JAKMIP1: variants seen among roughly 807,000 people sequenced by gnomAD.
JAKMIP1 encodes the protein janus kinase and microtubule-interacting protein 1.
A neutral mutation model predicts 113.0 loss-of-function variants in JAKMIP1; 33 were observed. The ratio of observed to expected loss-of-function variants is 0.29; its 90% CI spans 0.22 to 0.39. The LOEUF is 0.39. Ranked by LOEUF, JAKMIP1 falls within the 10% of genes least tolerant of loss-of-function variation. The pLI, the probability that JAKMIP1 is intolerant of heterozygous loss-of-function variation, is 1.00. For synonymous variants in JAKMIP1, 480 were observed against 459.9 expected (o/e 1.04, Z -0.56); for missense variants, 813 against 1,080.5 (o/e 0.75, Z 3.47).
chr4:6,084,538 G>C (rs557548399), intron 5 of JAKMIP1, among the ~76,000 whole-genome samples: 11 of 152,070 alleles, frequency 7.2e-5, no homozygotes, highest in Non-Finnish European at 1.5e-4. Context: ...GGGTTTTTTG[G>C]TTTTTTAATT....
At chr4:6,063,554 T>C (rs1717619707) in intron 9 of JAKMIP1, among the ~76,000 whole-genome samples, 1 of 152,140 alleles carries the variant, frequency 6.6e-6, no homozygotes, top group Admixed American at 6.5e-5. Context: ...ACGGGGAGGA[T>C]GGTGTGTCTC....
At chr4:6,072,586 GA>G (rs1227081192) in intron 8 of JAKMIP1, among the ~76,000 whole-genome samples, 1 of 152,196 alleles carries the variant, frequency 6.6e-6, no homozygotes, top group Admixed American at 6.5e-5. Flanking sequence ...AAACAGACAT[GA>G]AGTAGCCACT....
At position 6,193,505 on chromosome 4, in the gene JAKMIP1, C is replaced by A. The variant is rs1367977703; in HGVS notation, c.-148+6748G>T. On this transcript the variant is annotated intron_variant, in intron 1 of 20. Transcript: ENST00000409021. This position sits in a 1 kb window ranked among gnomAD's most constrained non-coding sequence, Gnocchi z 6.4. ...GGGTAGGGATGAACATTCCAGGCAGCAAGCAGCTCACACAAGCGCTCTGAG... is the reference window on the plus strand; with the variant it reads ...GGGTAGGGATGAACATTCCAGGCAGAAAGCAGCTCACACAAGCGCTCTGAG... Among the ~76,000 whole-genome samples, 1 of 152,186 alleles carries A rather than the reference C, an allele frequency of 6.6e-6. No individual in the cohort carries two copies. Among genetic ancestry groups the A allele is most frequent in the East Asian group, 1.9e-4 (1 of 5,190 alleles).
chr4:6,050,592 G>A lies in JAKMIP1; in HGVS notation c.1894C>T (p.Gln632Ter). The A allele has an allele frequency of 6.4e-7, 1 of 1,571,406 alleles. No individual in the cohort carries two copies. Residue 632 changes from glutamine (Q) to a stop codon, truncating the protein, a stop_gained, in exon 14 of 21, where the codon CAG (glutamine) becomes TAG (stop). Coordinates refer to ENST00000409021, the MANE Select transcript of JAKMIP1 (RefSeq NM_001099433.2). LOFTEE classifies it high-confidence loss of function. The surrounding 1 kb of genome is among the most constrained non-coding windows in gnomAD (Gnocchi z 7.4). ...HSSALQLFCH[Q>*]EGVKDVNVSE... ...AGGCACGCTACCTTAACTCCTTCCTGGTGACAGAACAGCTGGAGAGCGCTG... is the reference window on the plus strand; with the variant it reads ...AGGCACGCTACCTTAACTCCTTCCTAGTGACAGAACAGCTGGAGAGCGCTG...
In JAKMIP1 at chr4:6,085,273, A is replaced by G. The variant is rs1192447950; in HGVS notation, c.834+147T>C. 4 of 797,256 alleles carry G rather than the reference A, an allele frequency of 5.0e-6. No individual in the cohort carries two copies. The East Asian group carries it at 1.1e-4, about 21-fold the overall frequency. 49.4% of individuals were successfully genotyped at this position (797,256 alleles called of 1,614,324 possible). Reference sequence around the variant, plus strand: ...GCACCTCACACAGCGTCCAGCACAAAGAACTTATAACATCCCCTCCAATAC... The same window carrying G: ...GCACCTCACACAGCGTCCAGCACAAGGAACTTATAACATCCCCTCCAATAC... On this transcript the variant is annotated intron_variant, in intron 4 of 20. Transcript: ENST00000409021.
intron 1 of JAKMIP1, among the ~76,000 whole-genome samples, chr4:6,160,952 T>G (rs1394429389): frequency 2.2e-5 from 3 of 137,498 alleles, no homozygotes; most frequent in African/African-American, 8.3e-5. Context: ...TTATCTCCCC[T>G]GACCTCCACT....
intron 1 of JAKMIP1, among the ~76,000 whole-genome samples, chr4:6,171,777 G>A (rs1002682178): frequency 7.9e-5 from 12 of 152,272 alleles, no homozygotes; most frequent in African/African-American, 2.9e-4. Context: ...TCCCTGCCTG[G>A]CACGGAATCG....
chr4:6,070,602 C>T (rs1718820436), intron 8 of JAKMIP1, among the ~76,000 whole-genome samples: 1 of 152,238 alleles, frequency 6.6e-6, no homozygotes, highest in African/African-American at 2.4e-5. Context: ...CCTGGGTCCC[C>T]AGACAATCGC....
chr4:6,109,124 C>CTTTTTTT (rs71173408), intron 2 of JAKMIP1, among the ~76,000 whole-genome samples: 16 of 96,860 alleles, frequency 1.7e-4, no homozygotes, highest in African/African-American at 5.7e-4. Context: ...CCTGGGGCAC[C>CTTTTTTT]TTTTTTTTTT....
rs1409756941 is a variant in JAKMIP1 at position 6,184,796 on chromosome 4, G to A, written c.-148+15457C>T. 6.6e-6 allele frequency among the ~76,000 whole-genome samples: 1 copy of A among 152,218 alleles called. No individual in the cohort carries two copies. Among genetic ancestry groups the A allele is most frequent in the Non-Finnish European group, 1.5e-5 (1 of 68,044 alleles). Reference sequence around the variant, plus strand: ...GAAGGATAGAAAGTATTGTTCCTGAGTGTGTCTGTGAGGATCTTACCAAAG... The same window carrying A: ...GAAGGATAGAAAGTATTGTTCCTGAATGTGTCTGTGAGGATCTTACCAAAG... On this transcript the variant is annotated intron_variant, in intron 1 of 20. Coordinates refer to ENST00000409021, the MANE Select transcript of JAKMIP1 (RefSeq NM_001099433.2). The surrounding 1 kb of genome is among the most constrained non-coding windows in gnomAD (Gnocchi z 4.5).
chr4:6,038,240 G>T (rs58224006), intron 18 of JAKMIP1, among the ~76,000 whole-genome samples: 1 of 147,662 alleles, frequency 6.8e-6, no homozygotes, highest in African/African-American at 2.6e-5. Context: ...CATCACCGAG[G>T]CAGAGGTTAA....
chr4:6,090,890 C>T (rs1397881825), intron 3 of JAKMIP1, among the ~76,000 whole-genome samples: 1 of 152,104 alleles, frequency 6.6e-6, no homozygotes, highest in Non-Finnish European at 1.5e-5. Context: ...CCACGTTGAC[C>T]ATGACGTCCT....
intron 1 of JAKMIP1, among the ~76,000 whole-genome samples, chr4:6,170,636 T>TCAC (rs914239904): frequency 7.2e-6 from 1 of 139,742 alleles, no homozygotes; most frequent in Non-Finnish European, 1.5e-5. Context: ...ATCAACACCA[T>TCAC]CACCTCTACC....
chr4:6,053,901 A>G (rs1311200948), intron 13 of JAKMIP1, 149 bp downstream of exon 13: 36 of 1,531,516 alleles, frequency 2.4e-5, no homozygotes, highest in Non-Finnish European at 3.1e-5. Context: ...ACAGATTTAA[A>G]AAAAAAAAGA....
At chr4:6,151,213 G>A (rs116378561) in intron 1 of JAKMIP1, among the ~76,000 whole-genome samples, 1 of 152,112 alleles carries the variant, frequency 6.6e-6, no homozygotes, top group African/African-American at 2.4e-5. Flanking sequence ...GTTCCATACA[G>A]GACCTCATTT....
intron 17 of JAKMIP1, among the ~76,000 whole-genome samples, chr4:6,041,033 G>A (rs762451971): frequency 2.0e-4 from 31 of 151,998 alleles, no homozygotes; most frequent in Non-Finnish European, 8.8e-5. Context: ...GTCCTTCTAG[G>A]TTCCTCCTGC....
chr4:6,095,294 G>A (rs924403369), intron 3 of JAKMIP1, among the ~76,000 whole-genome samples: 2 of 138,758 alleles, frequency 1.4e-5, no homozygotes, highest in Admixed American at 7.2e-5. Flanking sequence ...GGGAGGGAGG[G>A]AGAGAGGGAA....
intron 19 of JAKMIP1, among the ~76,000 whole-genome samples, chr4:6,030,487 T>C (rs887716831): frequency 5.9e-5 from 9 of 152,150 alleles, no homozygotes; most frequent in African/African-American, 2.2e-4. Context: ...TTACCGATCA[T>C]TCCTTCCCAT....
At chr4:6,126,545 A>T (rs1459091927) in intron 1 of JAKMIP1, among the ~76,000 whole-genome samples, 1 of 148,828 alleles carries the variant, frequency 6.7e-6, no homozygotes, top group Non-Finnish European at 1.5e-5. Context: ...AAACACACAC[A>T]CACAAACACA....
Sources: allele counts gnomAD v4.1 joint callset (sites outside exome capture counted in the v4.1 genomes callset), GRCh38; gene constraint gnomAD v4.1.1; non-coding constraint Gnocchi (gnomAD v3.1); transcripts MANE v1.5; gene names NCBI Gene and HGNC (gene_info 2026-07-23, HGNC 2026-07-21).